CIT: variants seen among roughly 807,000 people sequenced by gnomAD.
The protein encoded by CIT is citron rho-interacting serine/threonine kinase, also known as citron Rho-interacting kinase.
CIT carries 79 observed loss-of-function variants against 272.7 expected under a neutral mutation model. The observed-to-expected ratio is 0.29, with a 90% CI of 0.24 to 0.35. The LOEUF is 0.35. CIT is among the 10% of genes least tolerant of loss of function. The pLI, the probability that CIT is intolerant of heterozygous loss-of-function variation, is 1.00. For missense variants in CIT, 1,909 were observed against 2,618.3 expected (o/e 0.73, Z 5.91); for synonymous variants, 948 against 995.6 (o/e 0.95, Z 0.90).
At chr12:119,731,108 T>C (rs996242312) in intron 26 of CIT, among the ~76,000 whole-genome samples, 26 of 148,968 alleles carry the variant, frequency 1.7e-4, no homozygotes, top group African/African-American at 6.2e-4. Context: ...GCCTGGGTGA[T>C]AGAGCAAGAC....
At chr12:119,759,922 C>T (rs1423171633) in intron 20 of CIT, among the ~76,000 whole-genome samples, 1 of 151,860 alleles carries the variant, frequency 6.6e-6, no homozygotes, top group Non-Finnish European at 1.5e-5. Flanking sequence ...CGCGGTGGCT[C>T]GTACCTGTAA....
chr12:119,827,739 AAT>A (rs1455576814), intron 7 of CIT, among the ~76,000 whole-genome samples: 1 of 152,098 alleles, frequency 6.6e-6, no homozygotes, highest in Non-Finnish European at 1.5e-5. Context: ...GCCTGGCCAC[AAT>A]AGATATTTTT....
intron 27 of CIT, among the ~76,000 whole-genome samples, chr12:119,730,077 G>C (rs1027426135): frequency 1.3e-5 from 2 of 152,086 alleles, no homozygotes; most frequent in African/African-American, 4.8e-5. Flanking sequence ...CCTGAACTTG[G>C]AACACGGAGA....
At position 119,723,842 on chromosome 12, in the gene CIT, T is replaced by C. The variant is rs535908623; in HGVS notation, c.3592-2393A>G. ...AAAACTACCCAAAGAGCACAGGTAA[T>C]TGGCAGAGGTTTAGAGCCCAGTATG... On this transcript the variant is annotated intron_variant, in intron 28 of 47. Transcript: ENST00000392521. Among the ~76,000 whole-genome samples, 14 of 152,320 alleles carry C rather than the reference T, an allele frequency of 9.2e-5. No individual in the cohort carries two copies. The East Asian group carries it at 2.5e-3, about 27-fold the overall frequency.
intron 7 of CIT, among the ~76,000 whole-genome samples, chr12:119,830,205 A>G (rs1968509482): frequency 6.6e-6 from 1 of 151,412 alleles, no homozygotes; most frequent in Non-Finnish European, 1.5e-5. Flanking sequence ...TCCAACCCTA[A>G]AAGCTCAAGA....
intron 28 of CIT, among the ~76,000 whole-genome samples, chr12:119,725,553 A>G (rs1420669905): frequency 6.6e-6 from 1 of 152,256 alleles, no homozygotes; most frequent in Admixed American, 6.5e-5. Context: ...AATGTGGACA[A>G]TAAAGAGCAT....
intron 2 of CIT, among the ~76,000 whole-genome samples, chr12:119,871,644 A>G (rs1950681716): frequency 6.6e-6 from 1 of 152,194 alleles, no homozygotes; most frequent in Non-Finnish European, 1.5e-5. Context: ...ACTTGAGCCC[A>G]GGAGTTCAAG....
At position 119,804,590 on chromosome 12, in the gene CIT, C is replaced by G. The variant is rs1273505912; in HGVS notation, c.1112-1201G>C. 3.1e-6 allele frequency: 2 copies of G among 644,006 alleles called. No individual in the cohort carries two copies. The highest frequency in any genetic ancestry group is 6.9e-5 in the South Asian group (1 of 14,504). The allele number at this position is 644,006 out of a possible 1,614,324, so 39.9% of individuals were successfully genotyped here. ...CAGCCCAGACTTCTTTTTAACTCCT[C>G]GTTTTCTGGACAAAGCTGGGTGCCA... is the stretch of plus-strand genomic sequence containing the variant. On this transcript the variant is annotated intron_variant, in intron 9 of 47. Coordinates refer to ENST00000392521, the MANE Select transcript of CIT (RefSeq NM_001206999.2). The surrounding 1 kb of genome is among the most constrained non-coding windows in gnomAD (Gnocchi z 5.3).
chr12:119,697,016 G>C lies in CIT; in HGVS notation c.5882+643C>G, dbSNP rs1392153908. On this transcript the variant is annotated intron_variant, in intron 46 of 47. Transcript: ENST00000392521. This position sits in a 1 kb window ranked among gnomAD's most constrained non-coding sequence, Gnocchi z 4.9. ...TCAATGGCTGTTTGAGTCCAATCCT[G>C]TTCAGGAGGTCTCGCATTCCAGGGA... Among the ~76,000 whole-genome samples, 1 of 152,094 alleles carries C rather than the reference G, an allele frequency of 6.6e-6. No individual in the cohort carries two copies. Among genetic ancestry groups the C allele is most frequent in the Non-Finnish European group, 1.5e-5 (1 of 68,026 alleles).
chr12:119,687,827 G>T lies in CIT; in HGVS notation c.*405C>A. On this transcript the variant is annotated 3_prime_UTR_variant, in exon 48 of 48. Transcript: ENST00000392521. ...AAAAAAAAAAAAGGAAAGAAACAAA[G>T]AGAAAAAAAAAAGAAAAACCAACCA... is the stretch of plus-strand genomic sequence containing the variant. 1 of 164,436 alleles carries T rather than the reference G, an allele frequency of 6.1e-6. No homozygotes were observed. 10.2% of individuals were successfully genotyped at this position (164,436 alleles called of 1,614,324 possible).
At chr12:119,774,351 G>A (rs1455424322) in intron 16 of CIT, among the ~76,000 whole-genome samples, 3 of 151,958 alleles carry the variant, frequency 2.0e-5, no homozygotes, top group Admixed American at 2.0e-4. Context: ...ATTAAACCAA[G>A]CCAGCAAACA....
chr12:119,857,781 A>C, intron 3 of CIT, 83 bp from the exon 4 acceptor site: 1 of 1,297,574 alleles, frequency 7.7e-7, no homozygotes, highest in Non-Finnish European at 1.1e-6. Context: ...AAAAAAGAAA[A>C]TAGCATTCGG....
Position 119,718,658 on chromosome 12 carries a change from T to G in CIT, c.4003+41A>C, listed in dbSNP as rs749326497. Reference sequence around the variant, plus strand: ...TCTCACTGAGATCAATCCTCTGCCTTTTCCACATCCTTGAGCATTTTGGAG... The same window carrying G: ...TCTCACTGAGATCAATCCTCTGCCTGTTCCACATCCTTGAGCATTTTGGAG... On this transcript the variant is annotated intron_variant, in intron 31 of 47. Transcript: ENST00000392521. This position sits in a 1 kb window ranked among gnomAD's most constrained non-coding sequence, Gnocchi z 4.8. 1 of 1,610,590 alleles carries G rather than the reference T, an allele frequency of 6.2e-7. No homozygotes were observed. The highest frequency in any genetic ancestry group is 2.2e-5 in the East Asian group (1 of 44,830).
intron 9 of CIT, among the ~76,000 whole-genome samples, chr12:119,821,125 G>A (rs1158694870): frequency 1.6e-4 from 3 of 19,352 alleles, no homozygotes; most frequent in Admixed American, 8.3e-4. Flanking sequence ...GAAAAACCCT[G>A]TTTCTACGAA....
intron 2 of CIT, among the ~76,000 whole-genome samples, chr12:119,870,839 A>G (rs2464798): frequency 0.77 from 116,383 of 151,956 alleles, 44,696 homozygotes; most frequent in East Asian, 0.93. Context: ...GTTACGAGTC[A>G]GCCAGGTGCA....
intron 10 of CIT, among the ~76,000 whole-genome samples, chr12:119,799,978 A>C (rs1397057874): frequency 2.0e-5 from 3 of 152,144 alleles, no homozygotes; most frequent in African/African-American, 7.2e-5. Context: ...TATGGTTTGC[A>C]GAAATGCACG....
intron 8 of CIT, among the ~76,000 whole-genome samples, chr12:119,823,982 T>C (rs1967942752): frequency 7.7e-6 from 1 of 129,906 alleles, no homozygotes; most frequent in Non-Finnish European, 1.5e-5. Flanking sequence ...AGGGTTGCAG[T>C]GAGCCGATAT....
At chr12:119,850,980 G>T (rs544875512) in intron 4 of CIT, among the ~76,000 whole-genome samples, 1 of 152,324 alleles carries the variant, frequency 6.6e-6, no homozygotes, top group African/African-American at 2.4e-5. Context: ...CATATTAAGG[G>T]TATAATGTCA....
intron 42 of CIT, 21 bp downstream of exon 42, chr12:119,701,829 G>C (rs781435644): frequency 6.2e-7 from 1 of 1,613,946 alleles, no homozygotes; most frequent in Non-Finnish European, 8.5e-7. Flanking sequence ...GGGTGGGTGC[G>C]AAAGTGGAGG....
Sources: gnomAD v4.1 joint callset for allele counts (sites outside exome capture counted in the v4.1 genomes callset) on GRCh38, gnomAD v4.1.1 for gene constraint, Gnocchi (gnomAD v3.1) non-coding constraint, MANE v1.5 for transcripts, NCBI Gene and HGNC (gene_info 2026-07-23, HGNC 2026-07-21) for gene names.